TNNI3K: variants seen among roughly 807,000 people sequenced by gnomAD.
TNNI3K encodes TNNI3 interacting kinase.
TNNI3K carries 140 observed loss-of-function variants against 114.5 expected under a neutral mutation model. The ratio of observed to expected loss-of-function variants is 1.22; its 90% CI spans 1.07 to 1.41. The LOEUF (loss-of-function observed/expected upper bound fraction) is 1.41. TNNI3K is among the 40% of genes most tolerant of loss of function. The pLI is 0.00. For missense variants in TNNI3K, 1,125 were observed against 1,007.6 expected (o/e 1.12, Z -1.58); for synonymous variants, 347 against 347.5 (o/e 1.00, Z 0.02).
At chr1:74,448,265 A>T (rs1180407969) in intron 20 of TNNI3K, among the ~76,000 whole-genome samples, 1 of 111,254 alleles carries the variant, frequency 9.0e-6, no homozygotes, top group African/African-American at 5.4e-5. Context: ...TATAATAAAA[A>T]AAAAAAAAAA....
intron 5 of TNNI3K, among the ~76,000 whole-genome samples, chr1:74,278,508 A>G (rs964001186): frequency 2.0e-5 from 3 of 152,200 alleles, no homozygotes; most frequent in Non-Finnish European, 2.9e-5. Flanking sequence ...GACTTAGCAC[A>G]TTAAGATATT....
At chr1:74,439,039 G>A (rs1666260071) in intron 19 of TNNI3K, 1 of 152,448 alleles carries the variant, frequency 6.6e-6, no homozygotes, top group African/African-American at 2.4e-5. Flanking sequence ...AGACTTGAAG[G>A]AGGTGCCTCC....
At chr1:74,310,442 C>G (rs1658918321) in intron 5 of TNNI3K, among the ~76,000 whole-genome samples, 1 of 152,140 alleles carries the variant, frequency 6.6e-6, no homozygotes, top group African/African-American at 2.4e-5. Flanking sequence ...TTACCAATGT[C>G]ATTTTTCACA....
chr1:74,333,641 G>A (rs1461936340), intron 6 of TNNI3K, among the ~76,000 whole-genome samples: 3 of 152,180 alleles, frequency 2.0e-5, no homozygotes, highest in African/African-American at 7.2e-5. Context: ...GTAATTTATG[G>A]AGGCTATTGT....
chr1:74,433,697 T>G (rs964971933), intron 17 of TNNI3K, among the ~76,000 whole-genome samples: 5 of 152,112 alleles, frequency 3.3e-5, no homozygotes, highest in Non-Finnish European at 7.4e-5. Context: ...GTTACTGTTT[T>G]TTATAAGAGT....
Position 74,492,092 on chromosome 1 carries a change from C to T in TNNI3K, c.2182-5C>T, listed in dbSNP as rs189901197. The stretch of plus-strand genomic sequence containing the variant: ...AACAATTGAAATTGCCCCTCCTCCA[C>T]TCAGCTGATGTCTCCTGCATCAAGT... On this transcript the variant is annotated splice_polypyrimidine_tract_variant and splice_region_variant and intron_variant, in intron 22 of 24. Transcript: ENST00000326637. The T allele has an allele frequency of 1.3e-6, 2 of 1,536,652 alleles. No homozygotes were observed. The highest frequency in any genetic ancestry group is 1.8e-5 in the Admixed American group (1 of 56,890).
intron 23 of TNNI3K, among the ~76,000 whole-genome samples, chr1:74,517,779 C>T (rs1646370309): frequency 6.6e-6 from 1 of 152,148 alleles, no homozygotes. Flanking sequence ...CAGTGGCTCT[C>T]AAAATTGAAA....
At chr1:74,470,172 T>C (rs1356764801) in intron 21 of TNNI3K, 1 of 400,732 alleles carries the variant, frequency 2.5e-6, no homozygotes, top group East Asian at 3.6e-5. Context: ...GTATTCTATT[T>C]TGGGTTTCAT....
chr1:74,257,052 A>G (rs1655359084), intron 4 of TNNI3K, among the ~76,000 whole-genome samples: 1 of 152,098 alleles, frequency 6.6e-6, no homozygotes, highest in Admixed American at 6.5e-5. Flanking sequence ...TCCACATATC[A>G]CTGAGTCTGC....
At chr1:74,430,436 A>T (rs1665839302) in intron 17 of TNNI3K, among the ~76,000 whole-genome samples, 1 of 152,106 alleles carries the variant, frequency 6.6e-6, no homozygotes, top group Non-Finnish European at 1.5e-5. Context: ...TGGAGAAAAC[A>T]TAAGATTTAA....
chr1:74,326,674 T>G (rs944604091), intron 5 of TNNI3K, among the ~76,000 whole-genome samples: 7 of 152,246 alleles, frequency 4.6e-5, no homozygotes, highest in Non-Finnish European at 1.0e-4. Flanking sequence ...GTCACTAAGT[T>G]TTATAGGCAT....
At chr1:74,363,971 G>GTATTATTATTAT (rs368456076) in intron 11 of TNNI3K, among the ~76,000 whole-genome samples, 1,513 of 135,486 alleles carry the variant, frequency 0.011, 19 homozygotes, top group Non-Finnish European at 0.012. Context: ...CAGATGAGGG[G>GTATTATTATTAT]TATTATTATT....
At chr1:74,458,824 GT>G (rs1477768681) in intron 20 of TNNI3K, among the ~76,000 whole-genome samples, 15 of 152,152 alleles carry the variant, frequency 9.9e-5, no homozygotes, top group African/African-American at 3.1e-4. Context: ...TTGGTATATT[GT>G]GATGCTCAGG....
At chr1:74,373,683 T>G (rs1181917047) in intron 17 of TNNI3K, 3 of 151,894 alleles carry the variant, frequency 2.0e-5, no homozygotes, top group Admixed American at 6.6e-5. Flanking sequence ...TGACTACTTG[T>G]GTATAGCATC....
chr1:74,524,769 T>A (rs7516458), intron 23 of TNNI3K, among the ~76,000 whole-genome samples: 127,852 of 149,572 alleles, frequency 0.85, 55,534 homozygotes, highest in Non-Finnish European at 0.95. Flanking sequence ...AAAAAAAAAA[T>A]GAAAAAGAAA....
intron 24 of TNNI3K, among the ~76,000 whole-genome samples, chr1:74,543,698 A>C (rs1646753639): frequency 6.6e-6 from 1 of 152,140 alleles, no homozygotes; most frequent in Admixed American, 6.5e-5. Context: ...GGTCCAAATT[A>C]GACATTAGTC....
chr1:74,326,306 A>G (rs1382329596), intron 5 of TNNI3K, among the ~76,000 whole-genome samples: 2 of 152,144 alleles, frequency 1.3e-5, no homozygotes, highest in Non-Finnish European at 1.5e-5. Flanking sequence ...GTTCCTCTTT[A>G]TACGGTCATT....
intron 5 of TNNI3K, among the ~76,000 whole-genome samples, chr1:74,281,336 G>GTGTGTGTGTA (rs1299253381): frequency 6.6e-6 from 1 of 151,006 alleles, no homozygotes; most frequent in Non-Finnish European, 1.5e-5. Context: ...AATAATAGAT[G>GTGTGTGTGTA]TGTGTGTGTG....
chr1:74,447,245 G>A (rs1028800204), intron 20 of TNNI3K, among the ~76,000 whole-genome samples: 6 of 149,272 alleles, frequency 4.0e-5, no homozygotes, highest in African/African-American at 1.5e-4. Flanking sequence ...TCTCCTTGAA[G>A]AGGTCCTTCA....
Sources: allele counts gnomAD v4.1 joint callset (sites outside exome capture counted in the v4.1 genomes callset), GRCh38; gene constraint gnomAD v4.1.1; transcripts MANE v1.5; gene names NCBI Gene and HGNC (gene_info 2026-07-23, HGNC 2026-07-21).